The following THOC2 variants were observed in gnomAD, a reference collection of about 807,000 sequenced individuals.
THOC2 encodes the protein THO complex 2.
Under a neutral mutation model 128.4 loss-of-function variants are expected in THOC2, and 10 were observed. That is an observed-to-expected ratio of 0.08 (90% CI 0.05 to 0.13). The LOEUF is 0.13. THOC2 is among the 10% of genes least tolerant of loss of function. THOC2 has a pLI of 1.00. For missense variants in THOC2, 535 were observed against 1,155.7 expected, an observed-to-expected ratio of 0.46 and a Z score of 7.79; for synonymous variants, 393 against 396.9, an observed-to-expected ratio of 0.99 and a Z score of 0.12.
intron 34 of THOC2, 45 bp downstream of exon 34, chrX:123,614,007 A>C (rs777234883): frequency 2.5e-5 from 29 of 1,152,640 alleles, no homozygotes; most frequent in Non-Finnish European, 3.0e-5. Context: ...ACTGGTGTAC[A>C]TGATAATGAG....
chrX:123,673,199 C>T (rs1412468598), intron 8 of THOC2, among the ~76,000 whole-genome samples: 1 of 110,955 alleles, frequency 9.0e-6, no homozygotes, highest in South Asian at 3.9e-4. Flanking sequence ...ATTAGCCAGG[C>T]GTGGTGGCAG....
chrX:123,649,399 C>T (rs182310139), intron 12 of THOC2, among the ~76,000 whole-genome samples: 52 of 111,314 alleles, frequency 4.7e-4, no homozygotes, highest in South Asian at 1.5e-3. Context: ...GCCTCCCCTC[C>T]TCCAAAGGAT....
chrX:123,629,961 C>T (rs989678657), intron 22 of THOC2, among the ~76,000 whole-genome samples: 19 of 111,808 alleles, frequency 1.7e-4, no homozygotes, highest in Admixed American at 5.7e-4. Context: ...TGGACCACAA[C>T]CTCAACAATT....
Position 123,629,244 on chromosome X carries a change from CACAT to C in THOC2, c.2482-1280_2482-1277del, listed in dbSNP as rs1351340242. On this transcript the variant is annotated intron_variant, in intron 22 of 38. Coordinates refer to ENST00000245838, the MANE Select transcript of THOC2 (RefSeq NM_001081550.2). ...ACACACACACACACACACACACACA[CACAT>C]ATATATGAAGATAACACAGAGTTGC... 1.9e-3 allele frequency among the ~76,000 whole-genome samples: 205 copies of C among 105,536 alleles called. 1 individual carries two copies. The highest frequency in any genetic ancestry group is 6.7e-3 in the African/African-American group (190 of 28,538). The allele number at this position is 105,536 out of a possible 115,157, so 91.6% of individuals were successfully genotyped here.
At chrX:123,702,257 A>G (rs974997984) in intron 4 of THOC2, among the ~76,000 whole-genome samples, 5 of 110,520 alleles carry the variant, frequency 4.5e-5, no homozygotes, top group Non-Finnish European at 9.4e-5. Context: ...CAACATAGCG[A>G]GACTCTGCCT....
In THOC2 at chrX:123,632,960, G is replaced by A. The variant is rs908393169; in HGVS notation, c.2217C>T (p.Ala739=). 9 of 1,206,260 alleles carry A rather than the reference G, an allele frequency of 7.5e-6. No individual in the cohort carries two copies. Among genetic ancestry groups the A allele is most frequent in the Middle Eastern group, 2.3e-4 (1 of 4,362 alleles). ...GAGCCATAAGCAGACAGAGAGGAAG[G>A]GCAAGATCATGGTCCAATAGAGCAT... ...LKDALLDHDL[A]LPLCLLMAQQ... Residue 739 remains alanine, a synonymous_variant, in exon 21 of 39, where the codon GCC becomes GCT. Coordinates refer to ENST00000245838, the MANE Select transcript of THOC2 (RefSeq NM_001081550.2).
chrX:123,698,786 A>C (rs1475934563), intron 4 of THOC2, among the ~76,000 whole-genome samples: 1 of 108,046 alleles, frequency 9.3e-6, no homozygotes, highest in Non-Finnish European at 1.9e-5. Flanking sequence ...GAGGCAGGAG[A>C]ATCACTTGAA....
At chrX:123,718,571 C>G (rs1213194747) in intron 1 of THOC2, among the ~76,000 whole-genome samples, 1 of 111,166 alleles carries the variant, frequency 9.0e-6, no homozygotes, top group East Asian at 2.8e-4. Flanking sequence ...ACAAGCCTGA[C>G]CAACATGGAG....
At chrX:123,601,926 T>A (rs1241585433) in intron 38 of THOC2, 1 of 112,819 alleles carries the variant, frequency 8.9e-6, no homozygotes, top group African/African-American at 3.2e-5. Context: ...ATGCAGTGTC[T>A]GCTAAATTAT....
chrX:123,667,333 T>TA, intron 10 of THOC2, 55 bp from the exon 11 acceptor site: 1 of 913,258 alleles, frequency 1.1e-6, no homozygotes. Flanking sequence ...CAAGAAATCT[T>TA]AATACTTTGT....
intron 8 of THOC2, among the ~76,000 whole-genome samples, chrX:123,672,877 C>T (rs2049336251): frequency 8.9e-6 from 1 of 112,423 alleles, no homozygotes; most frequent in Admixed American, 9.4e-5. Flanking sequence ...ATAGTCAATA[C>T]TGAAAATGAG....
chrX:123,657,792 G>C (rs1007058832), intron 12 of THOC2, among the ~76,000 whole-genome samples: 40 of 111,506 alleles, frequency 3.6e-4, no homozygotes, highest in African/African-American at 1.2e-3. Flanking sequence ...TAGAGAGAAA[G>C]AATATAGGTC....
At chrX:123,714,470 C>T (rs1252066120) in intron 1 of THOC2, among the ~76,000 whole-genome samples, 2 of 111,763 alleles carry the variant, frequency 1.8e-5, no homozygotes, top group African/African-American at 6.5e-5. Context: ...CATCAGAGGA[C>T]AACAGCATAT....
At chrX:123,640,742 T>C (rs919060660) in intron 15 of THOC2, 120 bp from the exon 16 acceptor site, 36 of 398,565 alleles carry the variant, frequency 9.0e-5, no homozygotes, top group Non-Finnish European at 1.4e-4. Context: ...CAAAATGGAT[T>C]CATGTAAACA....
intron 2 of THOC2, among the ~76,000 whole-genome samples, chrX:123,709,520 G>A (rs2051094370): frequency 9.0e-6 from 1 of 111,399 alleles, no homozygotes; most frequent in Admixed American, 9.5e-5. Flanking sequence ...GAACCCAGGA[G>A]GCGGAGCTTG....
rs1385716571 is a variant in THOC2, at chrX:123,679,030, A to G, written c.769-7269T>C. Among the ~76,000 whole-genome samples the G allele has an allele frequency of 4.5e-5, 5 of 110,629 alleles. No individual in the cohort carries two copies. In the Admixed American group the frequency reaches 4.8e-4, roughly 11 times the overall value. On this transcript the variant is annotated intron_variant, in intron 8 of 38. Coordinates refer to ENST00000245838, the MANE Select transcript of THOC2 (RefSeq NM_001081550.2). Reference sequence around the variant, plus strand: ...ATCCTCAAGAACACCGCTCCAAATAATTCTCACCTCTCTCCCCTGTAACAC... The same window carrying G: ...ATCCTCAAGAACACCGCTCCAAATAGTTCTCACCTCTCTCCCCTGTAACAC...
chrX:123,639,200 T>C (rs1053660455), intron 16 of THOC2, among the ~76,000 whole-genome samples, 173 bp from the exon 17 acceptor site: 4 of 112,074 alleles, frequency 3.6e-5, no homozygotes, highest in African/African-American at 1.3e-4. Flanking sequence ...TTCATATTTA[T>C]ATAGAAATTA....
chrX:123,732,144 C>A (rs192203843), intron 1 of THOC2, among the ~76,000 whole-genome samples: 3 of 111,206 alleles, frequency 2.7e-5, no homozygotes, highest in African/African-American at 9.8e-5. Context: ...GAAAGTTTCA[C>A]GACTAAAGGA....
At chrX:123,634,511 T>C (rs1318739631) in intron 19 of THOC2, among the ~76,000 whole-genome samples, 1 of 111,760 alleles carries the variant, frequency 8.9e-6, no homozygotes, top group African/African-American at 3.3e-5. Flanking sequence ...CTGAATTTCC[T>C]AAGAGAGCTA....
Sources: gnomAD v4.1 joint callset for allele counts (sites outside exome capture counted in the v4.1 genomes callset) on GRCh38, gnomAD v4.1.1 for gene constraint, MANE v1.5 for transcripts, NCBI Gene and HGNC (gene_info 2026-07-23, HGNC 2026-07-21) for gene names.